Variants in ZBTB34 observed in about 807,000 individuals in gnomAD.
The protein encoded by ZBTB34 is zinc finger and BTB domain-containing protein 34.
In ZBTB34, 1 loss-of-function variant was observed where a neutral mutation model predicts 33.4. The ratio of observed to expected loss-of-function variants is 0.03; its 90% CI spans 0.01 to 0.14. The LOEUF is 0.14. Among genes scored for constraint, ZBTB34 ranks in the 10% least tolerant of loss-of-function variants. The probability of loss-of-function intolerance (pLI) is 1.00; values close to 1 mark genes in which losing one functional copy is unlikely to be tolerated. For missense variants in ZBTB34, 406 were observed against 657.2 expected, an observed-to-expected ratio of 0.62 and a Z score of 4.18; for synonymous variants, 283 against 253.5, an observed-to-expected ratio of 1.12 and a Z score of -1.11.
Position 126,879,021 on chromosome 9 carries a change from G to A in ZBTB34, c.-10-369G>A, listed in dbSNP as rs1213812377. Among the ~76,000 whole-genome samples the A allele has an allele frequency of 2.6e-5, 4 of 152,082 alleles. No individual in the cohort carries two copies. Among genetic ancestry groups the A allele is most frequent in the Non-Finnish European group, 4.4e-5 (3 of 68,016 alleles). On this transcript the variant is annotated intron_variant, in intron 1 of 1. Coordinates refer to ENST00000319119, the Ensembl canonical transcript of ZBTB34. This position sits in a 1 kb window ranked among gnomAD's most constrained non-coding sequence, Gnocchi z 6.4. ...TTATAGGTGTAAGCCACTGCGCCTG[G>A]CCTGAATTTAGTTATTTTTCACAAA...
rs750043466 is a variant in ZBTB34, at chr9:126,880,493, C to G, written c.1094C>G (p.Ala365Gly). ...GAGAGCAGTCCCCGGGAGAGGAGTGCGAGAGGGCATTGGTACCCGTACAAT... is the reference window on the plus strand; with the variant it reads ...GAGAGCAGTCCCCGGGAGAGGAGTGGGAGAGGGCATTGGTACCCGTACAAT... The change falls in exon 2 of 2, where the codon GCG (alanine) becomes GGG (glycine). Residue 365 changes from alanine (A) to glycine (G), a missense_variant. Ala to Gly is a moderately conservative substitution (Grantham distance 60). This residue lies in a region of ZBTB34 where 123 missense variants were observed against 140.4 expected (regional missense o/e 0.88). Transcript: ENST00000319119. This position sits in a 1 kb window ranked among gnomAD's most constrained non-coding sequence, Gnocchi z 6.7. 13 of 1,613,558 alleles carry G rather than the reference C, an allele frequency of 8.1e-6. No individual in the cohort carries two copies. In the African/African-American group the frequency reaches 1.2e-4, roughly 15 times the overall value.
chr9:126,865,954 C>T (rs1244718302), intron 1 of ZBTB34, among the ~76,000 whole-genome samples: 1 of 152,188 alleles, frequency 6.6e-6, no homozygotes, highest in African/African-American at 2.4e-5. Context: ...CACTGCACTC[C>T]AGCCTGGGCA....
intron 1 of ZBTB34, among the ~76,000 whole-genome samples, chr9:126,871,439 T>C (rs1415097185): frequency 2.0e-5 from 3 of 150,436 alleles, no homozygotes; most frequent in African/African-American, 7.3e-5. Flanking sequence ...CTCGGCTCAC[T>C]GCAACCTCCC....
rs377609568 is a variant in ZBTB34, at chr9:126,870,144, C to A, written c.-10-9246C>A. On this transcript the variant is annotated intron_variant, in intron 1 of 1. Transcript: ENST00000319119. Reference sequence around the variant, plus strand: ...GATTAATCTCCTGAATTAAAGAGTTCTGGTTCTGATGGTTTTAGTGAGTGG... The same window carrying A: ...GATTAATCTCCTGAATTAAAGAGTTATGGTTCTGATGGTTTTAGTGAGTGG... Among the ~76,000 whole-genome samples the A allele has an allele frequency of 2.4e-3, 358 of 152,210 alleles. 3 individuals carry two copies. Among genetic ancestry groups the A allele is most frequent in the African/African-American group, 8.1e-3 (336 of 41,520 alleles).
Position 126,880,633 on chromosome 9 carries a change from A to G in ZBTB34, c.1234A>G (p.Lys412Glu). Residue 412 changes from lysine to glutamate, a missense_variant, in exon 2 of 2, where the codon AAG becomes GAG. Coordinates refer to ENST00000319119, the Ensembl canonical transcript of ZBTB34. This position sits in a 1 kb window ranked among gnomAD's most constrained non-coding sequence, Gnocchi z 6.7. The stretch of plus-strand genomic sequence containing the variant: ...CTTTGTGTGCAAGTTCTGTGGGAAG[A>G]AGTACACACGGAAGGACCAACTGGA... 1 of 1,613,904 alleles carries G rather than the reference A, an allele frequency of 6.2e-7. No homozygotes were observed. The highest frequency in any genetic ancestry group is 8.5e-7 in the Non-Finnish European group (1 of 1,179,902).
chr9:126,863,792 A>G lies in ZBTB34; in HGVS notation c.-11+3053A>G, dbSNP rs1644190333. The G allele has an allele frequency of 4.9e-6, 4 of 818,004 alleles. 1 individual carries two copies. The South Asian group carries it at 2.2e-4, about 45-fold the overall frequency. 50.7% of individuals were successfully genotyped at this position (818,004 alleles called of 1,614,324 possible). A position where few individuals can be genotyped will look rare whatever the true frequency, so the allele number is the denominator to read the frequency against. ...GGCCAGTGCCCCTGAAATGCTAGCCAGCAGTAAGCAGATAAGATGCTGTGC... is the reference window on the plus strand; with the variant it reads ...GGCCAGTGCCCCTGAAATGCTAGCCGGCAGTAAGCAGATAAGATGCTGTGC... On this transcript the variant is annotated intron_variant, in intron 1 of 1. Coordinates refer to ENST00000319119, the Ensembl canonical transcript of ZBTB34.
At chr9:126,872,473 A>G (rs557103887) in intron 1 of ZBTB34, among the ~76,000 whole-genome samples, 61 of 149,682 alleles carry the variant, frequency 4.1e-4, no homozygotes, top group African/African-American at 1.5e-3. Context: ...CATTCCACAC[A>G]GGGGAGAAAA....
chr9:126,862,429 G>T (rs943768593), intron 1 of ZBTB34, among the ~76,000 whole-genome samples: 1 of 152,060 alleles, frequency 6.6e-6, no homozygotes. Flanking sequence ...TGCCTGCCAC[G>T]GTATGTCCAG....
intron 1 of ZBTB34, among the ~76,000 whole-genome samples, chr9:126,861,461 G>A (rs1055318808): frequency 2.0e-5 from 3 of 152,180 alleles, no homozygotes; most frequent in Non-Finnish European, 4.4e-5. Context: ...GTTTCCCCAT[G>A]TGATCATTGA....
Position 126,880,829 on chromosome 9 carries a change from A to G in ZBTB34, c.1430A>G (p.Gln477Arg), listed in dbSNP as rs544214998. 4.3e-6 allele frequency: 7 copies of G among 1,613,730 alleles called. No homozygotes were observed. The South Asian group carries it at 6.6e-5, about 15-fold the overall frequency. The change falls in exon 2 of 2, where the codon CAG becomes CGG. Residue 477 changes from glutamine (Q) to arginine (R), a missense_variant. Gln to Arg is a conservative substitution (Grantham distance 43, BLOSUM62 1). This residue lies in a region of ZBTB34 where 58 missense variants were observed against 58.7 expected (regional missense o/e 0.99). Coordinates refer to ENST00000319119, the Ensembl canonical transcript of ZBTB34. The surrounding 1 kb of genome is among the most constrained non-coding windows in gnomAD (Gnocchi z 6.7). ...GAGAGAACAGATGTGTACGTGGAAC[A>G]GAAACTAGAAAATGACGCATCGGCC...
rs1254980844 is a variant in ZBTB34 at position 126,880,795 on chromosome 9, G to C, written c.1396G>C (p.Glu466Gln). Residue 466 changes from glutamate (E) to glutamine (Q), a missense_variant, in exon 2 of 2, where the codon GAG becomes CAG. Physicochemically the swap from Glu to Gln is conservative, Grantham distance 29 (BLOSUM62 2). Around this residue, in one of 6 missense-constraint regions of ZBTB34, gnomAD observed 58 missense variants for 58.7 expected, o/e 0.99. Transcript: ENST00000319119. This position sits in a 1 kb window ranked among gnomAD's most constrained non-coding sequence, Gnocchi z 6.7. Reference sequence around the variant, plus strand: ...CGTTGCTGAAGTCAGGAGTCGCATTGAGTCCCCCGAGAGAACAGATGTGTA... The same window carrying C: ...CGTTGCTGAAGTCAGGAGTCGCATTCAGTCCCCCGAGAGAACAGATGTGTA... 4 of 1,613,590 alleles carry C rather than the reference G, an allele frequency of 2.5e-6. No individual in the cohort carries two copies. The highest frequency in any genetic ancestry group is 2.5e-6 in the Non-Finnish European group (3 of 1,179,884).
intron 1 of ZBTB34, among the ~76,000 whole-genome samples, chr9:126,872,378 T>C (rs778888270): frequency 4.6e-5 from 7 of 152,168 alleles, no homozygotes; most frequent in African/African-American, 1.7e-4. Flanking sequence ...TTTGCCACTC[T>C]ACTCCAGCCT....
intron 1 of ZBTB34, among the ~76,000 whole-genome samples, chr9:126,867,270 A>G (rs1436312171): frequency 1.3e-5 from 2 of 151,894 alleles, no homozygotes; most frequent in Admixed American, 1.3e-4. Context: ...TGCCTTTTAC[A>G]TTTTGATAGA....
At chr9:126,882,328 T>C (rs74824065) in exon 2 of ZBTB34, 9,089 of 167,212 alleles carry the variant, frequency 0.054, 276 homozygotes, top group Middle Eastern at 0.091. Context: ...TAATGAATTA[T>C]AATTGTTTTC....
chr9:126,878,094 G>A (rs985656372), intron 1 of ZBTB34, among the ~76,000 whole-genome samples: 3 of 152,094 alleles, frequency 2.0e-5, no homozygotes, highest in Non-Finnish European at 4.4e-5. Flanking sequence ...CTAGCACTTT[G>A]GGAAGCTGAG....
At chr9:126,874,459 T>C (rs1323354572) in intron 1 of ZBTB34, among the ~76,000 whole-genome samples, 1 of 152,232 alleles carries the variant, frequency 6.6e-6, no homozygotes, top group African/African-American at 2.4e-5. Flanking sequence ...GTATTTCTTC[T>C]GTAGTTACTA....
chr9:126,872,856 T>C (rs1417949381), intron 1 of ZBTB34, among the ~76,000 whole-genome samples: 1 of 152,186 alleles, frequency 6.6e-6, no homozygotes, highest in East Asian at 1.9e-4. Context: ...ACTTCCTTTC[T>C]CATATTGCAG....
At position 126,880,885 on chromosome 9, in the gene ZBTB34, A is replaced by T; in HGVS notation, c.1486A>T (p.Ile496Phe). Residue 496 changes from isoleucine (I) to phenylalanine (F), a missense_variant, in exon 2 of 2, where the codon ATT (isoleucine) becomes TTT (phenylalanine). Coordinates refer to ENST00000319119, the Ensembl canonical transcript of ZBTB34. This position sits in a 1 kb window ranked among gnomAD's most constrained non-coding sequence, Gnocchi z 6.7. ...GATGGGCCTAGATTCCCGGATGGAAATTCACACAGTGTCTGATGCTCCCGA... is the reference window on the plus strand; with the variant it reads ...GATGGGCCTAGATTCCCGGATGGAATTTCACACAGTGTCTGATGCTCCCGA... 1 of 1,612,758 alleles carries T rather than the reference A, an allele frequency of 6.2e-7. No homozygotes were observed. Among genetic ancestry groups the T allele is most frequent in the Non-Finnish European group, 8.5e-7 (1 of 1,179,496 alleles).
In ZBTB34 at chr9:126,879,172, A is replaced by G. The variant is rs1445422156; in HGVS notation, c.-10-218A>G. 6.6e-6 allele frequency among the ~76,000 whole-genome samples: 1 copy of G among 152,214 alleles called. No homozygotes were observed. Among genetic ancestry groups the G allele is most frequent in the African/African-American group, 2.4e-5 (1 of 41,458 alleles). On this transcript the variant is annotated intron_variant, in intron 1 of 1. Transcript: ENST00000319119. The surrounding 1 kb of genome is among the most constrained non-coding windows in gnomAD (Gnocchi z 6.4). The stretch of plus-strand genomic sequence containing the variant: ...TATTTTACTTTTGATCAAGATGAAT[A>G]TTAGGCAATTATGACATTAGGCTAA...
Sources: gnomAD v4.1 joint callset for allele counts (sites outside exome capture counted in the v4.1 genomes callset) on GRCh38, gnomAD v4.1.1 for gene constraint, gnomAD v4.1.1 regional missense constraint, Gnocchi (gnomAD v3.1) non-coding constraint, MANE v1.5 for transcripts, NCBI Gene and HGNC (gene_info 2026-07-23, HGNC 2026-07-21) for gene names.